ZDHHC2: variants seen among roughly 807,000 people sequenced by gnomAD.
ZDHHC2 encodes the protein palmitoyltransferase ZDHHC2.
ZDHHC2 carries 51 observed loss-of-function variants against 55.6 expected under a neutral mutation model. That is an observed-to-expected ratio of 0.92 (90% confidence interval 0.73 to 1.16). The LOEUF is 1.16. Among genes scored for constraint, ZDHHC2 ranks in the 50% most tolerant of loss-of-function variants. The probability of loss-of-function intolerance (pLI) is 0.00; values close to 1 mark genes in which losing one functional copy is unlikely to be tolerated. For missense variants in ZDHHC2, 491 were observed against 442.4 expected, an observed-to-expected ratio of 1.11 and a Z score of -0.99; for synonymous variants, 199 against 152.9, an observed-to-expected ratio of 1.30 and a Z score of -2.22.
rs1037196712 is a variant in ZDHHC2 at position 17,169,937 on chromosome 8, T to G, written c.130+13084T>G. 1.3e-5 allele frequency among the ~76,000 whole-genome samples: 2 copies of G among 152,172 alleles called. 1 individual carries two copies. The highest frequency in any genetic ancestry group is 4.8e-5 in the African/African-American group (2 of 41,438). On this transcript the variant is annotated intron_variant, in intron 1 of 12. Transcript: ENST00000262096. ...GTGGTACTTGTATAATATTACACTA[T>G]TACAATATGTTGTGTCTTTAGGCAG...
intron 3 of ZDHHC2, among the ~76,000 whole-genome samples, chr8:17,192,111 G>A (rs1806063203): frequency 6.6e-6 from 1 of 152,114 alleles, no homozygotes; most frequent in African/African-American, 2.4e-5. Flanking sequence ...AGCCCCCTAA[G>A]TAGCTGTGAC....
chr8:17,219,252 T>TAAAAAAAAAAAAAA (rs71212684), intron 12 of ZDHHC2, among the ~76,000 whole-genome samples: 15 of 49,556 alleles, frequency 3.0e-4, no homozygotes, highest in East Asian at 9.0e-4. Context: ...AGCAAGACTC[T>TAAAAAAAAAAAAAA]AAAAAAAAAA....
intron 1 of ZDHHC2, among the ~76,000 whole-genome samples, chr8:17,183,969 C>T (rs886314244): frequency 4.6e-5 from 7 of 152,134 alleles, no homozygotes; most frequent in African/African-American, 7.2e-5. Context: ...TTCATTCCAG[C>T]ACCAAGGCCT....
At chr8:17,180,365 C>A (rs569309275) in intron 1 of ZDHHC2, among the ~76,000 whole-genome samples, 1 of 152,134 alleles carries the variant, frequency 6.6e-6, no homozygotes, top group African/African-American at 2.4e-5. Context: ...TTTAAAAAGG[C>A]AATTGACTTA....
At position 17,220,363 on chromosome 8, in the gene ZDHHC2, C is replaced by G. The variant is rs1443802215; in HGVS notation, c.*142C>G. 1 of 152,068 alleles carries G rather than the reference C, an allele frequency of 6.6e-6. No individual in the cohort carries two copies. Among genetic ancestry groups the G allele is most frequent in the Non-Finnish European group, 1.5e-5 (1 of 67,992 alleles). 9.4% of individuals were successfully genotyped at this position (152,068 alleles called of 1,614,324 possible). ...AATGCAGAATATGAATTGATTAGTT[C>G]TCTCCAAGCCATTGCTTAAAATATA... On this transcript the variant is annotated 3_prime_UTR_variant, in exon 13 of 13. Coordinates refer to ENST00000262096, the MANE Select transcript of ZDHHC2 (RefSeq NM_016353.5).
chr8:17,160,357 C>A (rs898849495), intron 1 of ZDHHC2, among the ~76,000 whole-genome samples: 6 of 152,154 alleles, frequency 3.9e-5, no homozygotes, highest in Admixed American at 3.9e-4. Flanking sequence ...GATGATGTTG[C>A]GCAGTCATGT....
chr8:17,199,465 A>ACTTCTTCTTCTTCTTCTTCTT lies in ZDHHC2; in HGVS notation c.476+1081_476+1101dup, dbSNP rs377014817. 1.2e-4 allele frequency among the ~76,000 whole-genome samples: 12 copies of ACTTCTTCTTCTTCTTCTTCTT among 98,552 alleles called. 1 individual carries two copies. The highest frequency in any genetic ancestry group is 3.8e-4 in the South Asian group (1 of 2,656). 64.7% of individuals were successfully genotyped at this position (98,552 alleles called of 152,430 possible). On this transcript the variant is annotated intron_variant, in intron 6 of 12. Coordinates refer to ENST00000262096, the MANE Select transcript of ZDHHC2 (RefSeq NM_016353.5). ...CCTCTCCCCCAGTGTCTTTAATAAG[A>ACTTCTTCTTCTTCTTCTTCTT]CTTCTTCTTCTTCTTCTTCTTCTTC...
At chr8:17,172,934 G>A (rs1804935186) in intron 1 of ZDHHC2, among the ~76,000 whole-genome samples, 1 of 152,192 alleles carries the variant, frequency 6.6e-6, no homozygotes, top group Non-Finnish European at 1.5e-5. Flanking sequence ...TTCAGGTAGT[G>A]CCCTGAAATA....
chr8:17,216,162 T>G (rs1024516774), intron 11 of ZDHHC2, among the ~76,000 whole-genome samples: 5 of 152,236 alleles, frequency 3.3e-5, no homozygotes, highest in African/African-American at 1.2e-4. Context: ...GATTGACTAC[T>G]AACCTTTTCT....
intron 10 of ZDHHC2, among the ~76,000 whole-genome samples, chr8:17,211,197 A>G (rs1225213927): frequency 6.6e-6 from 1 of 152,208 alleles, no homozygotes; most frequent in African/African-American, 2.4e-5. Flanking sequence ...GTGGTTTGAA[A>G]CACCAGTTTT....
At chr8:17,185,623 G>C (rs888413530) in intron 2 of ZDHHC2, among the ~76,000 whole-genome samples, 1 of 152,236 alleles carries the variant, frequency 6.6e-6, no homozygotes, top group East Asian at 1.9e-4. Flanking sequence ...GTGAGCCACT[G>C]CACTCCAGCC....
intron 10 of ZDHHC2, among the ~76,000 whole-genome samples, chr8:17,214,864 A>G (rs796791967): frequency 1.3e-5 from 2 of 152,192 alleles, no homozygotes; most frequent in Non-Finnish European, 1.5e-5. Context: ...TCTGCACTCC[A>G]GCCTGGGCAA....
rs1563161417 is a variant in ZDHHC2 at position 17,199,568 on chromosome 8, GT to G, written c.476+1156del. On this transcript the variant is annotated intron_variant, in intron 6 of 12. Transcript: ENST00000262096. Reference sequence around the variant, plus strand: ...TTCTGTCTTCGTCTTCGTCTTCTTCGTCTTTGTCTTCTTCTTCTTCTTTCTT... The same window carrying G: ...TTCTGTCTTCGTCTTCGTCTTCTTCGCTTTGTCTTCTTCTTCTTCTTTCTT... Among the ~76,000 whole-genome samples, 11 of 49,886 alleles carry G rather than the reference GT, an allele frequency of 2.2e-4. No individual in the cohort carries two copies. In the East Asian group the frequency reaches 9.5e-3, roughly 43 times the overall value. 32.7% of individuals were successfully genotyped at this position (49,886 alleles called of 152,430 possible).
intron 1 of ZDHHC2, among the ~76,000 whole-genome samples, chr8:17,163,321 G>C (rs960662559): frequency 3.9e-5 from 6 of 152,222 alleles, no homozygotes; most frequent in African/African-American, 1.4e-4. Context: ...CCAGCTGGCA[G>C]GGCTGAGGTG....
chr8:17,160,989 A>G (rs1180956456), intron 1 of ZDHHC2, among the ~76,000 whole-genome samples: 1 of 152,244 alleles, frequency 6.6e-6, no homozygotes, highest in Non-Finnish European at 1.5e-5. Context: ...ATTACTAAAC[A>G]TCCTTCAGCA....
At chr8:17,164,160 A>G (rs572824994) in intron 1 of ZDHHC2, among the ~76,000 whole-genome samples, 5 of 152,196 alleles carry the variant, frequency 3.3e-5, no homozygotes. Context: ...CACACTTTAT[A>G]TCATTTATGT....
At chr8:17,196,619 G>T (rs904968425) in intron 4 of ZDHHC2, among the ~76,000 whole-genome samples, 1 of 151,110 alleles carries the variant, frequency 6.6e-6, no homozygotes, top group African/African-American at 2.4e-5. Context: ...TAAGATTTGC[G>T]ACTCTGTGTG....
At chr8:17,188,044 A>G (rs1009521040) in intron 3 of ZDHHC2, among the ~76,000 whole-genome samples, 1 of 152,222 alleles carries the variant, frequency 6.6e-6, no homozygotes, top group Admixed American at 6.5e-5. Context: ...GGTTATTTTA[A>G]AACAAGCAGA....
At chr8:17,192,462 T>C (rs1806082492) in intron 3 of ZDHHC2, among the ~76,000 whole-genome samples, 1 of 152,226 alleles carries the variant, frequency 6.6e-6, no homozygotes, top group African/African-American at 2.4e-5. Context: ...CATTTTTAAA[T>C]TGGATTATTA....
Sources: allele counts gnomAD v4.1 joint callset (sites outside exome capture counted in the v4.1 genomes callset), GRCh38; gene constraint gnomAD v4.1.1; transcripts MANE v1.5; gene names NCBI Gene and HGNC (gene_info 2026-07-23, HGNC 2026-07-21).